Variants in SKI observed in about 807,000 individuals in gnomAD.
SKI encodes the protein ski oncogene.
A neutral mutation model predicts 59.3 loss-of-function variants in SKI; 23 were observed. That is an observed-to-expected ratio of 0.39 (90% CI 0.28 to 0.55). The LOEUF is 0.55. Ranked by LOEUF, SKI falls within the 20% of genes least tolerant of loss-of-function variation. SKI has a pLI of 0.67. For synonymous variants in SKI, 673 were observed against 488.6 expected, an observed-to-expected ratio of 1.38 and a Z score of -4.98; for missense variants, 1,017 against 1,038.9, an observed-to-expected ratio of 0.98 and a Z score of 0.29.
At chr1:2,263,845 C>T (rs1341430910) in intron 1 of SKI, among the ~76,000 whole-genome samples, 5 of 137,004 alleles carry the variant, frequency 3.6e-5, no homozygotes, top group Admixed American at 7.6e-5. Flanking sequence ...TCAGCCTGGG[C>T]GACAAAGCAA....
intron 1 of SKI, among the ~76,000 whole-genome samples, chr1:2,254,805 G>T (rs763314419): frequency 1.3e-5 from 2 of 152,212 alleles, no homozygotes; most frequent in African/African-American, 4.8e-5. Flanking sequence ...TTGCACCTGA[G>T]GCGTGCAGCC....
chr1:2,245,154 C>T (rs938132289), intron 1 of SKI, among the ~76,000 whole-genome samples: 2 of 151,628 alleles, frequency 1.3e-5, no homozygotes, highest in Non-Finnish European at 2.9e-5. Context: ...TTTGGTGACT[C>T]TAGGGGCCTC....
At chr1:2,257,929 G>T (rs1639307260) in intron 1 of SKI, among the ~76,000 whole-genome samples, 1 of 152,080 alleles carries the variant, frequency 6.6e-6, no homozygotes, top group East Asian at 1.9e-4. Context: ...GTAGAGATGG[G>T]GTTTCTCCAT....
chr1:2,292,230 G>A lies in SKI; in HGVS notation c.970-10748G>A, dbSNP rs145120161. 5.9e-5 allele frequency among the ~76,000 whole-genome samples: 9 copies of A among 152,334 alleles called. No individual in the cohort carries two copies. In the South Asian group the frequency reaches 6.2e-4, roughly 11 times the overall value. ...ACGCCTCCTTGCCCTGCTCAGGGCT[G>A]CACGGGAGTTGCCACGTAGGAGAGC... On this transcript the variant is annotated intron_variant, in intron 1 of 6. Transcript: ENST00000378536.
Position 2,270,260 on chromosome 1 carries a change from A to G in SKI, c.970-32718A>G, listed in dbSNP as rs572849802. Among the ~76,000 whole-genome samples, 2 of 152,206 alleles carry G rather than the reference A, an allele frequency of 1.3e-5. 1 individual carries two copies. The highest frequency in any genetic ancestry group is 3.9e-4 in the East Asian group (2 of 5,152). On this transcript the variant is annotated intron_variant, in intron 1 of 6. Coordinates refer to ENST00000378536, the MANE Select transcript of SKI (RefSeq NM_003036.4). The surrounding 1 kb of genome is among the most constrained non-coding windows in gnomAD (Gnocchi z 4.1). ...GCGCTGCGTCTGGGTTCGGTCCTGGACCTGCTGCGTGTTATCCTCCCTGCG... is the reference window on the plus strand; with the variant it reads ...GCGCTGCGTCTGGGTTCGGTCCTGGGCCTGCTGCGTGTTATCCTCCCTGCG...
rs189781649 is a variant in SKI at position 2,245,414 on chromosome 1, T to A, written c.969+15679T>A. 1.9e-3 allele frequency among the ~76,000 whole-genome samples: 286 copies of A among 152,324 alleles called. 2 individuals are homozygous for A. The highest frequency in any genetic ancestry group is 6.7e-3 in the African/African-American group (280 of 41,576). ...GGTGCACAGTGACCTCTGGAGACCC[T>A]GCCTTCAGTTCTGGGTGTAGACCCA... On this transcript the variant is annotated intron_variant, in intron 1 of 6. Transcript: ENST00000378536.
rs1221706594 is a variant in SKI, at chr1:2,302,859, CAG to C, written c.970-118_970-117del. 21 of 1,371,656 alleles carry C rather than the reference CAG, an allele frequency of 1.5e-5. No homozygotes were observed. In the African/African-American group the frequency reaches 2.0e-4, roughly 13 times the overall value. The allele number at this position is 1,371,656 out of a possible 1,614,324, so 85.0% of individuals were successfully genotyped here. On this transcript the variant is annotated intron_variant, in intron 1 of 6. Transcript: ENST00000378536. ...CCTGGAATCTGCCTTCTGCGCCACT[CAG>C]GGTCGTTTGTGGCCGGAGTGCATGG... is the stretch of plus-strand genomic sequence containing the variant.
At chr1:2,305,937 G>C (rs928755934) in intron 5 of SKI, 83 bp from the exon 6 acceptor site, 1 of 1,069,960 alleles carries the variant, frequency 9.3e-7, no homozygotes, top group African/African-American at 1.6e-5. Flanking sequence ...TGACCCCACG[G>C]GGTGGGCTGA....
Position 2,310,033 on chromosome 1 carries a change from TATG to T in SKI, c.*3272_*3274del, listed in dbSNP as rs1640712724. On this transcript the variant is annotated 3_prime_UTR_variant, in exon 7 of 7. Transcript: ENST00000378536. ...TGCCCCACGCTGCTGCTAACGACAG[TATG>T]ATGCTTACTCTGCTACTCGGAAACT... is the stretch of plus-strand genomic sequence containing the variant. 6.7e-6 allele frequency: 1 copy of T among 149,922 alleles called. No individual in the cohort carries two copies. Among genetic ancestry groups the T allele is most frequent in the Admixed American group, 6.7e-5 (1 of 14,982 alleles). 9.3% of individuals were successfully genotyped at this position (149,922 alleles called of 1,614,324 possible). A position where few individuals can be genotyped will look rare whatever the true frequency, so the allele number is the denominator to read the frequency against.
intron 1 of SKI, among the ~76,000 whole-genome samples, chr1:2,241,448 A>G (rs1638870712): frequency 6.6e-6 from 1 of 152,052 alleles, no homozygotes; most frequent in Non-Finnish European, 1.5e-5. Context: ...GCTATAGTGC[A>G]GTGCTGCGAT....
In SKI at chr1:2,229,845, C is replaced by G. The variant is rs1048289286; in HGVS notation, c.969+110C>G. On this transcript the variant is annotated intron_variant, in intron 1 of 6. Transcript: ENST00000378536. This position sits in a 1 kb window ranked among gnomAD's most constrained non-coding sequence, Gnocchi z 6.3. Reference sequence around the variant, plus strand: ...CTGGGACCTGTGCTTCTGCCGTGCCCCATGTCTCCAGTCTTCGCTTTGTTT... The same window carrying G: ...CTGGGACCTGTGCTTCTGCCGTGCCGCATGTCTCCAGTCTTCGCTTTGTTT... The G allele has an allele frequency of 3.7e-5, 56 of 1,520,978 alleles. No individual in the cohort carries two copies. Among genetic ancestry groups the G allele is most frequent in the Non-Finnish European group, 4.9e-5 (55 of 1,127,264 alleles). 94.2% of individuals were successfully genotyped at this position (1,520,978 alleles called of 1,614,324 possible).
At chr1:2,255,683 C>G (rs1168672788) in intron 1 of SKI, among the ~76,000 whole-genome samples, 1 of 150,800 alleles carries the variant, frequency 6.6e-6, no homozygotes, top group East Asian at 2.0e-4. Context: ...CTGGATCTCT[C>G]TATGTCCTGA....
At chr1:2,258,148 C>T (rs926041777) in intron 1 of SKI, among the ~76,000 whole-genome samples, 1 of 152,200 alleles carries the variant, frequency 6.6e-6, no homozygotes, top group Non-Finnish European at 1.5e-5. Flanking sequence ...CGACTTTAAC[C>T]AGAAGTAATC....
At chr1:2,284,229 C>T (rs1639982531) in intron 1 of SKI, among the ~76,000 whole-genome samples, 2 of 152,124 alleles carry the variant, frequency 1.3e-5, no homozygotes, top group Non-Finnish European at 2.9e-5. Flanking sequence ...CTGGCCGGGG[C>T]TCCCTCAGGT....
intron 1 of SKI, among the ~76,000 whole-genome samples, chr1:2,283,091 C>T (rs1294572512): frequency 6.6e-5 from 10 of 152,220 alleles, no homozygotes; most frequent in East Asian, 1.9e-4. Flanking sequence ...AATGACCCCA[C>T]GCCATGGCCA....
intron 1 of SKI, among the ~76,000 whole-genome samples, chr1:2,231,728 GC>G (rs1410747543): frequency 6.6e-6 from 1 of 152,224 alleles, no homozygotes; most frequent in Non-Finnish European, 1.5e-5. Context: ...ACACAGCCTG[GC>G]CCTGGCAGTG....
At chr1:2,295,606 A>C (rs1640264968) in intron 1 of SKI, among the ~76,000 whole-genome samples, 1 of 152,120 alleles carries the variant, frequency 6.6e-6, no homozygotes, top group South Asian at 2.1e-4. Flanking sequence ...ATTCCATAGA[A>C]GTAGAGCCAC....
chr1:2,230,801 C>T (rs1032720766), intron 1 of SKI, among the ~76,000 whole-genome samples: 1 of 152,218 alleles, frequency 6.6e-6, no homozygotes, highest in African/African-American at 2.4e-5. Flanking sequence ...CTAATTAATT[C>T]AGCTATTGCA....
Position 2,230,199 on chromosome 1 carries a change from G to C in SKI, c.969+464G>C, listed in dbSNP as rs75096312. 5.8e-4 allele frequency among the ~76,000 whole-genome samples: 88 copies of C among 152,346 alleles called. 4 individuals carry two copies. The East Asian group carries it at 0.017, about 29-fold the overall frequency. Reference sequence around the variant, plus strand: ...AGGCACCCAGCCTCGAAGACGGAGGGCTGCCTGCCTTTGGGCCCCAGGAGA... The same window carrying C: ...AGGCACCCAGCCTCGAAGACGGAGGCCTGCCTGCCTTTGGGCCCCAGGAGA... On this transcript the variant is annotated intron_variant, in intron 1 of 6. Transcript: ENST00000378536.
Sources: gnomAD v4.1 joint callset for allele counts (sites outside exome capture counted in the v4.1 genomes callset) on GRCh38, gnomAD v4.1.1 for gene constraint, Gnocchi (gnomAD v3.1) non-coding constraint, MANE v1.5 for transcripts, NCBI Gene and HGNC (gene_info 2026-07-23, HGNC 2026-07-21) for gene names.